Variants in RBFOX1 observed in about 807,000 individuals in gnomAD.
The protein encoded by RBFOX1 is RNA binding protein fox-1 homolog 1.
In RBFOX1, 8 loss-of-function variants were observed where a neutral mutation model predicts 57.7. The ratio of observed to expected loss-of-function variants is 0.14; its 90% CI spans 0.08 to 0.25. The LOEUF (loss-of-function observed/expected upper bound fraction) is 0.25, where lower values mean the gene tolerates loss of function less well. Ranked by LOEUF, RBFOX1 falls within the 10% of genes least tolerant of loss-of-function variation. The pLI, the probability that RBFOX1 is intolerant of heterozygous loss-of-function variation, is 1.00. For missense variants in RBFOX1, 611 were observed against 548.5 expected (o/e 1.11, Z -1.14); for synonymous variants, 326 against 222.4 (o/e 1.47, Z -4.15).
chr16:5,624,757 T>G (rs73527652), intron 3 of RBFOX1, among the ~76,000 whole-genome samples: 9,950 of 152,260 alleles, frequency 0.065, 1,094 homozygotes, highest in African/African-American at 0.22. Flanking sequence ...GTCTTTGAGC[T>G]TGCCTCAGGG....
At chr16:7,521,825 A>C (rs1175982684) in intron 5 of RBFOX1, among the ~76,000 whole-genome samples, 1 of 152,178 alleles carries the variant, frequency 6.6e-6, no homozygotes, top group Non-Finnish European at 1.5e-5. Flanking sequence ...CATACAATAA[A>C]AAGTCCAGGC....
At chr16:7,637,343 A>G (rs985692790) in intron 11 of RBFOX1, among the ~76,000 whole-genome samples, 5 of 152,186 alleles carry the variant, frequency 3.3e-5, no homozygotes, top group African/African-American at 7.2e-5. Context: ...ATCAAAATGC[A>G]AAATCAATTC....
At chr16:5,875,766 G>T (rs1209117236) in intron 4 of RBFOX1, among the ~76,000 whole-genome samples, 1 of 151,958 alleles carries the variant, frequency 6.6e-6, no homozygotes, top group African/African-American at 2.4e-5. Flanking sequence ...GTGAACCGTT[G>T]TAAAATTTCT....
chr16:7,224,633 A>G (rs2092974950), intron 4 of RBFOX1, among the ~76,000 whole-genome samples: 1 of 152,224 alleles, frequency 6.6e-6, no homozygotes, highest in Non-Finnish European at 1.5e-5. Flanking sequence ...TAATGTCTCC[A>G]AATGGAAATG....
intron 1 of RBFOX1, among the ~76,000 whole-genome samples, chr16:5,266,526 G>T (rs2151111447): frequency 6.7e-6 from 1 of 149,528 alleles, no homozygotes; most frequent in African/African-American, 2.5e-5. Context: ...TGAACTGGGT[G>T]TTGGTAATAT....
chr16:7,625,290 C>A (rs747489642), intron 10 of RBFOX1, among the ~76,000 whole-genome samples: 1 of 152,042 alleles, frequency 6.6e-6, no homozygotes, highest in Non-Finnish European at 1.5e-5. Context: ...TTCCTAATGG[C>A]GGGTATTTGC....
chr16:6,193,362 A>ATATATATATATACACAT (rs1555545278), intron 1 of RBFOX1, among the ~76,000 whole-genome samples: 8 of 101,352 alleles, frequency 7.9e-5, no homozygotes, highest in Admixed American at 1.2e-4. Context: ...TACATTATAT[A>ATATATATATATACACAT]TATATATATA....
chr16:5,271,826 A>T (rs1425709750), intron 1 of RBFOX1, among the ~76,000 whole-genome samples: 7 of 152,178 alleles, frequency 4.6e-5, no homozygotes, highest in Non-Finnish European at 1.0e-4. Flanking sequence ...TTTAGATTCC[A>T]CATGTAAGTA....
chr16:7,119,082 A>G (rs58124912), intron 4 of RBFOX1, among the ~76,000 whole-genome samples: 3,137 of 152,222 alleles, frequency 0.021, 115 homozygotes, highest in African/African-American at 0.071. Flanking sequence ...CCCAGTCAGT[A>G]AAAGTAAGCA....
chr16:7,276,772 A>G (rs982730900), intron 4 of RBFOX1, among the ~76,000 whole-genome samples: 14 of 152,220 alleles, frequency 9.2e-5, no homozygotes, highest in Non-Finnish European at 1.8e-4. Flanking sequence ...ACAAATCCTC[A>G]TAAAATACTG....
intron 3 of RBFOX1, among the ~76,000 whole-genome samples, chr16:6,685,376 A>G (rs964829429): frequency 6.7e-6 from 1 of 149,980 alleles, no homozygotes; most frequent in Non-Finnish European, 1.5e-5. Flanking sequence ...CCCAGGTTCA[A>G]GCAATTCTCT....
chr16:6,107,196 C>T (rs978749759), intron 1 of RBFOX1, among the ~76,000 whole-genome samples: 1 of 151,902 alleles, frequency 6.6e-6, no homozygotes. Flanking sequence ...TCTTCTGGGT[C>T]CCCATCTGTG....
At chr16:5,998,232 A>T (rs2060523675) in intron 4 of RBFOX1, among the ~76,000 whole-genome samples, 1 of 152,166 alleles carries the variant, frequency 6.6e-6, no homozygotes, top group Non-Finnish European at 1.5e-5. Context: ...TCTGATGTGG[A>T]AGGTTTATCC....
At chr16:6,127,287 A>G (rs535696116) in intron 1 of RBFOX1, among the ~76,000 whole-genome samples, 3 of 151,162 alleles carry the variant, frequency 2.0e-5, no homozygotes, top group Non-Finnish European at 4.4e-5. Flanking sequence ...CTTTTTTTAA[A>G]AAAAAAAAAA....
At chr16:7,030,762 A>T (rs1012501549) in intron 3 of RBFOX1, among the ~76,000 whole-genome samples, 1 of 152,208 alleles carries the variant, frequency 6.6e-6, no homozygotes, top group Non-Finnish European at 1.5e-5. Flanking sequence ...TCAACCCATT[A>T]TACAAAGTTA....
intron 2 of RBFOX1, among the ~76,000 whole-genome samples, chr16:6,341,042 C>A (rs1318431628): frequency 6.6e-6 from 1 of 152,114 alleles, no homozygotes; most frequent in African/African-American, 2.4e-5. Context: ...TCTTGTAGGG[C>A]ATGTGTAAGC....
intron 1 of RBFOX1, among the ~76,000 whole-genome samples, chr16:6,100,734 G>A (rs1362796580): frequency 6.6e-6 from 1 of 152,030 alleles, no homozygotes; most frequent in Non-Finnish European, 1.5e-5. Context: ...GAAGAATCCC[G>A]GTCCATCAAT....
At chr16:6,914,208 A>T (rs13380541) in intron 3 of RBFOX1, among the ~76,000 whole-genome samples, 5,855 of 152,238 alleles carry the variant, frequency 0.038, 298 homozygotes, top group East Asian at 0.21. Flanking sequence ...TACCTCACTG[A>T]GTTTAGCATA....
At chr16:7,011,775 A>G (rs758146478) in intron 3 of RBFOX1, among the ~76,000 whole-genome samples, 2 of 152,146 alleles carry the variant, frequency 1.3e-5, no homozygotes, top group South Asian at 2.1e-4. Flanking sequence ...TGGCCTTCCA[A>G]AGTGCTGGGA....
Sources: allele counts gnomAD v4.1 joint callset (sites outside exome capture counted in the v4.1 genomes callset), GRCh38; gene constraint gnomAD v4.1.1; transcripts MANE v1.5; gene names NCBI Gene and HGNC (gene_info 2026-07-23, HGNC 2026-07-21).